TRAPPC12: variants seen among roughly 807,000 people sequenced by gnomAD.
The protein encoded by TRAPPC12 is TPR repeat protein 15.
TRAPPC12 carries 61 observed loss-of-function variants against 69.2 expected under a neutral mutation model. The ratio of observed to expected loss-of-function variants is 0.88; its 90% CI spans 0.72 to 1.09. TRAPPC12 has a LOEUF of 1.09. Among genes scored for constraint, TRAPPC12 ranks in the 50% least tolerant of loss-of-function variants. The pLI is 0.00. For missense variants in TRAPPC12, 1,101 were observed against 1,016.4 expected (o/e 1.08, Z -1.13); for synonymous variants, 469 against 438.9 (o/e 1.07, Z -0.86).
intron 5 of TRAPPC12, among the ~76,000 whole-genome samples, chr2:3,433,557 G>A (rs746387363): frequency 3.9e-5 from 6 of 152,156 alleles, no homozygotes; most frequent in Admixed American, 1.3e-4. Flanking sequence ...AGTGAGTGGC[G>A]GAAGGTAGCA....
intron 5 of TRAPPC12, among the ~76,000 whole-genome samples, chr2:3,427,345 G>T (rs1201014885): frequency 6.6e-6 from 1 of 152,174 alleles, no homozygotes; most frequent in Non-Finnish European, 1.5e-5. Context: ...TGAACAGCTG[G>T]TTTTTTAGGC....
intron 4 of TRAPPC12, 112 bp downstream of exon 4, chr2:3,422,106 C>A: frequency 1.3e-6 from 1 of 786,544 alleles, no homozygotes; most frequent in Non-Finnish European, 2.1e-6. Flanking sequence ...TCATATCCTG[C>A]TTCTTTCTCT....
chr2:3,474,776 A>G (rs958456609), intron 9 of TRAPPC12, among the ~76,000 whole-genome samples: 21 of 152,290 alleles, frequency 1.4e-4, no homozygotes, highest in African/African-American at 5.1e-4. Flanking sequence ...GGAATGATCT[A>G]TTCCCTGAAG....
At chr2:3,462,813 C>G (rs897776660) in intron 8 of TRAPPC12, 1 of 440,944 alleles carries the variant, frequency 2.3e-6, no homozygotes. Flanking sequence ...CCCCCCCTCC[C>G]CCGGGTGCCC....
intron 1 of TRAPPC12, among the ~76,000 whole-genome samples, chr2:3,385,771 G>A (rs571239055): frequency 8.5e-5 from 13 of 152,230 alleles, no homozygotes; most frequent in East Asian, 5.8e-4. Flanking sequence ...AATAAAATAC[G>A]CAGACCACGC....
chr2:3,392,892 G>A (rs961795554), intron 2 of TRAPPC12, among the ~76,000 whole-genome samples: 1 of 152,244 alleles, frequency 6.6e-6, no homozygotes, highest in Non-Finnish European at 1.5e-5. Context: ...CATGCTCACT[G>A]CAGAATTATA....
intron 5 of TRAPPC12, among the ~76,000 whole-genome samples, chr2:3,428,364 T>G (rs1663235592): frequency 6.6e-6 from 1 of 152,252 alleles, no homozygotes; most frequent in Non-Finnish European, 1.5e-5. Context: ...TTTTGTGGTG[T>G]AACAAAGCAT....
intron 5 of TRAPPC12, among the ~76,000 whole-genome samples, chr2:3,426,139 C>T (rs773143242): frequency 4.7e-4 from 71 of 152,106 alleles, no homozygotes; most frequent in Non-Finnish European, 1.3e-4. Context: ...TGTTTTTTGA[C>T]CTTTAGTCTC....
intron 2 of TRAPPC12, chr2:3,389,896 G>A: frequency 4.7e-6 from 2 of 426,550 alleles, no homozygotes; most frequent in South Asian, 1.7e-5. Context: ...CTGGCTCAGG[G>A]GCTTTTTTGG....
At chr2:3,402,578 A>G (rs1454276933) in intron 3 of TRAPPC12, among the ~76,000 whole-genome samples, 1 of 152,266 alleles carries the variant, frequency 6.6e-6, no homozygotes, top group Non-Finnish European at 1.5e-5. Context: ...CCTCGGCTAC[A>G]GAGCGAGACT....
At position 3,415,216 on chromosome 2, in the gene TRAPPC12, C is replaced by T. The variant is rs1052872003; in HGVS notation, c.1165-6665C>T. ...GTGGGAACTGTGCTGTGAGCACCCA[C>T]GTGCCATTCTGTTTCTCACTCGCGG... On this transcript the variant is annotated intron_variant, in intron 3 of 11. Transcript: ENST00000324266. Among the ~76,000 whole-genome samples the T allele has an allele frequency of 3.1e-4, 47 of 152,218 alleles. 1 individual carries two copies. The highest frequency in any genetic ancestry group is 4.1e-4 in the South Asian group (2 of 4,830).
At position 3,424,576 on chromosome 2, in the gene TRAPPC12, G is replaced by A. The variant is rs777202991; in HGVS notation, c.1330G>A (p.Ala444Thr). 2.5e-6 allele frequency: 4 copies of A among 1,613,992 alleles called. No individual in the cohort carries two copies. The Admixed American group carries it at 6.7e-5, about 27-fold the overall frequency. Residue 444 changes from alanine (A) to threonine (T), a missense_variant, in exon 5 of 12, where the codon GCT becomes ACT. Coordinates refer to ENST00000324266, the MANE Select transcript of TRAPPC12 (RefSeq NM_016030.6). ...LLVKLGLFQN[A>T]EMEFEPFGNL... ...AGTGAAGTTGGGCCTTTTCCAGAATGCTGAGATGGAATTTGAACCCTTCGG... is the reference window on the plus strand; with the variant it reads ...AGTGAAGTTGGGCCTTTTCCAGAATACTGAGATGGAATTTGAACCCTTCGG...
At chr2:3,408,893 GT>G (rs1661877871) in intron 3 of TRAPPC12, among the ~76,000 whole-genome samples, 2 of 152,198 alleles carry the variant, frequency 1.3e-5, no homozygotes, top group Non-Finnish European at 1.5e-5. Flanking sequence ...AGCTCACTCT[GT>G]GCCGCCCTGG....
In TRAPPC12 at chr2:3,388,366, C is replaced by T. The variant is rs1660618572; in HGVS notation, c.743C>T (p.Pro248Leu). Residue 248 changes from proline to leucine, a missense_variant, in exon 2 of 12, where the codon CCG becomes CTG. Physicochemically the swap from Pro to Leu is moderately conservative, Grantham distance 98 (BLOSUM62 -3). Coordinates refer to ENST00000324266, the MANE Select transcript of TRAPPC12 (RefSeq NM_016030.6). ...PGAGSPAPAS[P>L]PPLAVPGTEG... is the part of the protein sequence containing the mutation. ...GCGGGCTCCCCGGCCCCCGCCAGCC[C>T]GCCTCCCCTCGCTGTGCCCGGGACC... The T allele has an allele frequency of 6.3e-7, 1 of 1,597,682 alleles. No homozygotes were observed. The highest frequency in any genetic ancestry group is 8.5e-7 in the Non-Finnish European group (1 of 1,173,154).
intron 3 of TRAPPC12, among the ~76,000 whole-genome samples, chr2:3,417,867 AC>A (rs1490416606): frequency 8.0e-6 from 1 of 125,628 alleles, no homozygotes; most frequent in Non-Finnish European, 1.6e-5. Context: ...ACATGGCGAA[AC>A]CCCATCTCTA....
chr2:3,470,099 A>G (rs1331890059), intron 9 of TRAPPC12, among the ~76,000 whole-genome samples: 1 of 152,182 alleles, frequency 6.6e-6, no homozygotes, highest in African/African-American at 2.4e-5. Flanking sequence ...AAGCTAGGAA[A>G]TGTCCCCAGC....
chr2:3,383,395 A>AC (rs1660314653), intron 1 of TRAPPC12, among the ~76,000 whole-genome samples: 1 of 150,082 alleles, frequency 6.7e-6, no homozygotes, highest in African/African-American at 2.5e-5. Flanking sequence ...TTAATTTTTG[A>AC]TCCCCCACCC....
intron 8 of TRAPPC12, among the ~76,000 whole-genome samples, chr2:3,461,682 T>A (rs1665510052): frequency 6.6e-6 from 1 of 152,206 alleles, no homozygotes; most frequent in South Asian, 2.1e-4. Context: ...CCCACTGAGG[T>A]CAGGTGGCCC....
chr2:3,440,844 A>G (rs1312066905), intron 5 of TRAPPC12, among the ~76,000 whole-genome samples: 1 of 152,204 alleles, frequency 6.6e-6, no homozygotes, highest in Non-Finnish European at 1.5e-5. Flanking sequence ...CTCTATTCCT[A>G]GTTGGCTGAG....
Sources: allele counts gnomAD v4.1 joint callset (sites outside exome capture counted in the v4.1 genomes callset), GRCh38; gene constraint gnomAD v4.1.1; transcripts MANE v1.5; gene names NCBI Gene and HGNC (gene_info 2026-07-23, HGNC 2026-07-21).